The following WWP1 variants were observed in gnomAD, a reference collection of about 807,000 sequenced individuals.
WWP1 encodes NEDD4-like E3 ubiquitin-protein ligase WWP1.
Under a neutral mutation model 130.6 loss-of-function variants are expected in WWP1, and 49 were observed. That is an observed-to-expected ratio of 0.38 (90% CI 0.30 to 0.48). The LOEUF is 0.48. WWP1 is among the 20% of genes least tolerant of loss of function. The pLI is 0.99. For missense variants in WWP1, 809 were observed against 1,100.6 expected (o/e 0.74, Z 3.75); for synonymous variants, 332 against 367.8 (o/e 0.90, Z 1.11).
intron 18 of WWP1, among the ~76,000 whole-genome samples, chr8:86,446,703 A>C (rs1407246823): frequency 1.3e-5 from 2 of 152,208 alleles, no homozygotes; most frequent in African/African-American, 4.8e-5. Flanking sequence ...CTGGGGGATC[A>C]CATTTCAACA....
intron 8 of WWP1, among the ~76,000 whole-genome samples, chr8:86,408,772 T>C (rs1209384847): frequency 6.6e-6 from 1 of 152,062 alleles, no homozygotes; most frequent in South Asian, 2.1e-4. Context: ...TAGCCGGGTG[T>C]GGTGACGCAT....
chr8:86,374,269 C>A, intron 3 of WWP1, 149 bp downstream of exon 3: 1 of 578,802 alleles, frequency 1.7e-6, no homozygotes, highest in East Asian at 3.1e-5. Context: ...TAGATGCCCT[C>A]CAAAACTATA....
chr8:86,417,084 G>T (rs532321707), intron 9 of WWP1: 13 of 152,640 alleles, frequency 8.5e-5, no homozygotes, highest in Admixed American at 5.9e-4. Context: ...GCCAGGGGAG[G>T]AGAGAAGGGC....
At chr8:86,431,375 T>A in intron 12 of WWP1, 31 bp from the exon 13 acceptor site, 2 of 1,288,886 alleles carry the variant, frequency 1.6e-6, no homozygotes, top group Non-Finnish European at 2.1e-6. Context: ...CCTAAATAGT[T>A]ATTAAATATT....
chr8:86,355,411 G>A (rs1253845574), intron 1 of WWP1, among the ~76,000 whole-genome samples: 2 of 152,120 alleles, frequency 1.3e-5, no homozygotes, highest in African/African-American at 2.4e-5. Context: ...CATAAATGCA[G>A]CAAGTATGTG....
chr8:86,459,973 C>T (rs978875362), intron 22 of WWP1, among the ~76,000 whole-genome samples: 2 of 152,230 alleles, frequency 1.3e-5, no homozygotes, highest in African/African-American at 4.8e-5. Flanking sequence ...TATTTTGGGT[C>T]ATGATTAGCA....
chr8:86,420,497 G>A (rs1354857635), intron 9 of WWP1, among the ~76,000 whole-genome samples: 2 of 152,148 alleles, frequency 1.3e-5, no homozygotes, highest in African/African-American at 2.4e-5. Context: ...TGGAATGGTT[G>A]GGAGGAGGGT....
chr8:86,374,099 A>C lies in WWP1; in HGVS notation c.49A>C (p.Arg17=), dbSNP rs1459116759. 1 of 1,609,200 alleles carries C rather than the reference A, an allele frequency of 6.2e-7. No homozygotes were observed. Among genetic ancestry groups the C allele is most frequent in the Admixed American group, 1.7e-5 (1 of 59,080 alleles). ...RSDTSNNHSG[R]LQLQVTVSSA... is the part of the protein sequence containing the mutation. ...TGATACTAGTAATAACCACAGTGGA[A>C]GGTTGCAGTTACAGGTAACTGGTAA... The change falls in exon 3 of 25, where the codon AGG becomes CGG. Residue 17 remains arginine (R), a synonymous_variant. Transcript: ENST00000517970.
intron 9 of WWP1, among the ~76,000 whole-genome samples, chr8:86,424,405 C>T (rs28610052): frequency 0.15 from 21,920 of 149,966 alleles, 1,548 homozygotes; most frequent in Non-Finnish European, 0.18. Flanking sequence ...GACGGGGTGG[C>T]GGCCGGGCAG....
chr8:86,425,267 A>C lies in WWP1; in HGVS notation c.1106A>C (p.Asp369Ala). The change falls in exon 10 of 25, where the codon GAT (aspartate) becomes GCT (alanine). Residue 369 changes from aspartate (D) to alanine (A), a missense_variant. Physicochemically the swap from Asp to Ala is moderately radical, Grantham distance 126. Transcript: ENST00000517970. ...CCTCATGGTAGAACCTATTATGTGG[A>C]TCATAATACTCGAACTACCACATGG... ...KDPHGRTYYV[D>A]HNTRTTTWER... 1 of 1,613,424 alleles carries C rather than the reference A, an allele frequency of 6.2e-7. No homozygotes were observed. Among genetic ancestry groups the C allele is most frequent in the South Asian group, 1.1e-5 (1 of 90,962 alleles).
intron 10 of WWP1, 132 bp from the exon 11 acceptor site, chr8:86,427,511 T>C (rs1809699010): frequency 2.2e-6 from 2 of 912,142 alleles, no homozygotes; most frequent in East Asian, 5.8e-5. Context: ...GTAAAATAAA[T>C]AGTTCATAGT....
rs142550620 is a variant in WWP1 at position 86,356,314 on chromosome 8, C to G, written c.-114-12625C>G. ...TTATGTTGATTCTGTAAGTTTGGAA[C>G]CCAAGTTTTAATGTTCTTAGAATCA... On this transcript the variant is annotated intron_variant, in intron 1 of 24. Transcript: ENST00000517970. 9.9e-3 allele frequency among the ~76,000 whole-genome samples: 1,501 copies of G among 152,022 alleles called. 28 individuals carry two copies. Among genetic ancestry groups the G allele is most frequent in the African/African-American group, 0.034 (1,431 of 41,488 alleles).
chr8:86,430,762 T>A lies in WWP1; in HGVS notation c.1387+11T>A. On this transcript the variant is annotated intron_variant, in intron 12 of 24. Transcript: ENST00000517970. The stretch of plus-strand genomic sequence containing the variant: ...TGCCACCAGGCTGGGGTAAGCTGTT[T>A]TTGCTAATGATCTATAAGGGAGATA... 1 of 1,532,410 alleles carries A rather than the reference T, an allele frequency of 6.5e-7. No individual in the cohort carries two copies. The highest frequency in any genetic ancestry group is 8.8e-7 in the Non-Finnish European group (1 of 1,135,796). 94.9% of individuals were successfully genotyped at this position (1,532,410 alleles called of 1,614,324 possible). A position where few individuals can be genotyped will look rare whatever the true frequency, so the allele number is the denominator to read the frequency against.
intron 1 of WWP1, among the ~76,000 whole-genome samples, chr8:86,366,743 G>A (rs770938405): frequency 3.3e-4 from 50 of 152,170 alleles, no homozygotes; most frequent in Non-Finnish European, 6.9e-4. Context: ...AGTTTGGCCA[G>A]AACTGAGAGG....
chr8:86,405,340 T>A (rs1017037508), intron 8 of WWP1, among the ~76,000 whole-genome samples: 5 of 151,748 alleles, frequency 3.3e-5, no homozygotes, highest in Non-Finnish European at 2.9e-5. Flanking sequence ...TTTTTTTTTT[T>A]TTTTTTTGGT....
intron 16 of WWP1, 94 bp from the exon 17 acceptor site, chr8:86,438,491 G>A (rs1301769854): frequency 5.3e-6 from 5 of 948,544 alleles, no homozygotes; most frequent in African/African-American, 1.7e-5. Flanking sequence ...AAGGAAATGT[G>A]TTATTTTGAA....
intron 5 of WWP1, among the ~76,000 whole-genome samples, chr8:86,389,141 AAG>A (rs1825461459): frequency 6.6e-6 from 1 of 152,104 alleles, no homozygotes; most frequent in African/African-American, 2.4e-5. Flanking sequence ...AAAACATATA[AAG>A]AATATGTGGT....
rs1812245832 is a variant in WWP1 at position 86,467,567 on chromosome 8, ATT to A, written c.*676_*677del. The A allele has an allele frequency of 2.6e-5, 4 of 152,450 alleles. No homozygotes were observed. The highest frequency in any genetic ancestry group is 9.7e-5 in the African/African-American group (4 of 41,440). 9.4% of individuals were successfully genotyped at this position (152,450 alleles called of 1,614,324 possible). ...AAAGTCATATACTAGATCCAATACT[ATT>A]TAGTTTATTATCGAAATTGGAAGGA... is the stretch of plus-strand genomic sequence containing the variant. On this transcript the variant is annotated 3_prime_UTR_variant, in exon 25 of 25. Transcript: ENST00000517970.
chr8:86,440,664 C>G (rs957812641), intron 17 of WWP1: 1 of 453,110 alleles, frequency 2.2e-6, no homozygotes, highest in Non-Finnish European at 4.4e-6. Flanking sequence ...GGGAAGTTTT[C>G]TTCTATTATG....
Sources: gnomAD v4.1 joint callset for allele counts (sites outside exome capture counted in the v4.1 genomes callset) on GRCh38, gnomAD v4.1.1 for gene constraint, MANE v1.5 for transcripts, NCBI Gene and HGNC (gene_info 2026-07-23, HGNC 2026-07-21) for gene names.